ECE1: variants seen among roughly 807,000 people sequenced by gnomAD.
The protein encoded by ECE1 is endothelin-converting enzyme 1.
Under a neutral mutation model 98.6 loss-of-function variants are expected in ECE1, and 35 were observed. The observed-to-expected ratio is 0.35, with a 90% CI of 0.27 to 0.47. The LOEUF (loss-of-function observed/expected upper bound fraction) is 0.47, where lower values mean the gene tolerates loss of function less well. Among genes scored for constraint, ECE1 ranks in the 20% least tolerant of loss-of-function variants. ECE1 has a pLI of 1.00. For missense variants in ECE1, 814 were observed against 1,025.3 expected, an observed-to-expected ratio of 0.79 and a Z score of 2.81; for synonymous variants, 394 against 407.1, an observed-to-expected ratio of 0.97 and a Z score of 0.39.
At chr1:21,344,890 GC>G (rs1368156906) in intron 1 of ECE1, 1 of 152,962 alleles carries the variant, frequency 6.5e-6, no homozygotes, top group Non-Finnish European at 1.5e-5. Context: ...CTCCGAATGC[GC>G]CGGGCGTGGC....
At position 21,233,390 on chromosome 1, in the gene ECE1, T is replaced by G; in HGVS notation, c.1670+168A>C. The G allele has an allele frequency of 1.7e-6, 1 of 603,684 alleles. No individual in the cohort carries two copies. Among genetic ancestry groups the G allele is most frequent in the Non-Finnish European group, 2.9e-6 (1 of 345,778 alleles). 37.4% of individuals were successfully genotyped at this position (603,684 alleles called of 1,614,324 possible). On this transcript the variant is annotated intron_variant, in intron 14 of 18. Transcript: ENST00000374893. The surrounding 1 kb of genome is among the most constrained non-coding windows in gnomAD (Gnocchi z 4.0). Reference sequence around the variant, plus strand: ...TAGCTGGGCCATACTTCTTTTGCCCTTGGTTTCTTCATCTGAAAAGTGGGA... The same window carrying G: ...TAGCTGGGCCATACTTCTTTTGCCCGTGGTTTCTTCATCTGAAAAGTGGGA...
rs1162734684 is a variant in ECE1, at chr1:21,219,774, G to A, written c.*181C>T. 1 of 737,666 alleles carries A rather than the reference G, an allele frequency of 1.4e-6. No homozygotes were observed. Among genetic ancestry groups the A allele is most frequent in the Non-Finnish European group, 2.3e-6 (1 of 439,990 alleles). 45.7% of individuals were successfully genotyped at this position (737,666 alleles called of 1,614,324 possible). ...CTGGGATGTCCGGCTCTTCACAGGG[G>A]ATCAGACTGCGGGTCACGTTGAGAG... On this transcript the variant is annotated 3_prime_UTR_variant, in exon 19 of 19. Transcript: ENST00000374893. This position sits in a 1 kb window ranked among gnomAD's most constrained non-coding sequence, Gnocchi z 4.5.
At chr1:21,246,399 T>C (rs1219761839) in intron 9 of ECE1, among the ~76,000 whole-genome samples, 2 of 148,322 alleles carry the variant, frequency 1.3e-5, no homozygotes, top group East Asian at 3.9e-4. Context: ...TTTGGGAGGC[T>C]GAGGCAGGAG....
At chr1:21,341,957 T>C (rs558444597) in intron 1 of ECE1, among the ~76,000 whole-genome samples, 3 of 152,192 alleles carry the variant, frequency 2.0e-5, no homozygotes, top group African/African-American at 7.2e-5. Flanking sequence ...TTCTTAATAG[T>C]TCCCACAGTG....
At chr1:21,293,689 C>G (rs1366429198), upstream of ECE1, 1 of 152,162 alleles carries the variant, frequency 6.6e-6, no homozygotes, top group Non-Finnish European at 1.5e-5. Context: ...GAAACTGAAC[C>G]CACCTCAGAC....
At chr1:21,337,484 T>C (rs188793510) in intron 1 of ECE1, among the ~76,000 whole-genome samples, 1 of 152,328 alleles carries the variant, frequency 6.6e-6, no homozygotes, top group Admixed American at 6.5e-5. Context: ...TGCAGGTGTG[T>C]GCATTTGTAA....
At chr1:21,265,769 C>A (rs1318015584) in intron 4 of ECE1, among the ~76,000 whole-genome samples, 2 of 152,114 alleles carry the variant, frequency 1.3e-5, no homozygotes, top group Non-Finnish European at 2.9e-5. Context: ...CTTTAAGACA[C>A]CCCTGGCTCA....
At chr1:21,254,209 T>C (rs1432579531) in intron 8 of ECE1, among the ~76,000 whole-genome samples, 2 of 152,134 alleles carry the variant, frequency 1.3e-5, no homozygotes, top group Non-Finnish European at 2.9e-5. Context: ...AAATTCACAT[T>C]AGAATTTAAT....
intron 14 of ECE1, among the ~76,000 whole-genome samples, chr1:21,231,277 C>T (rs1220973272): frequency 6.6e-6 from 1 of 152,172 alleles, no homozygotes; most frequent in East Asian, 1.9e-4. Context: ...TACCACATTT[C>T]CTCTAAGAGC....
intron 1 of ECE1, among the ~76,000 whole-genome samples, chr1:21,328,602 GA>G: frequency 6.6e-6 from 1 of 151,858 alleles, no homozygotes; most frequent in African/African-American, 2.4e-5. Flanking sequence ...TCTCTACTAA[GA>G]ATACAAAAAA....
Position 21,290,100 on chromosome 1 carries a change from G to A in ECE1, c.108C>T (p.Ser36=), listed in dbSNP as rs780993230. 6 of 1,548,938 alleles carry A rather than the reference G, an allele frequency of 3.9e-6. No individual in the cohort carries two copies. Among genetic ancestry groups the A allele is most frequent in the Non-Finnish European group, 5.2e-6 (6 of 1,148,090 alleles). The change falls in exon 2 of 19, where the codon TCC becomes TCT. Residue 36 remains serine, a synonymous_variant. Coordinates refer to ENST00000374893, the MANE Select transcript of ECE1 (RefSeq NM_001397.3). The surrounding 1 kb of genome is among the most constrained non-coding windows in gnomAD (Gnocchi z 7.3). The part of the protein sequence containing the change: ...LDEEDLVDSL[S]EGDAYPNGLQ... Reference sequence around the variant, plus strand: ...GGCCGTTGGGGTATGCGTCGCCCTCGGAGAGCGAGTCCACCAGGTCCTCCT... The same window carrying A: ...GGCCGTTGGGGTATGCGTCGCCCTCAGAGAGCGAGTCCACCAGGTCCTCCT...
chr1:21,315,141 C>G (rs1638806331), intron 1 of ECE1, among the ~76,000 whole-genome samples: 1 of 152,206 alleles, frequency 6.6e-6, no homozygotes, highest in Middle Eastern at 3.2e-3. Context: ...GAGTCAATAC[C>G]TATTTAACAG....
At chr1:21,286,784 G>C (rs1211895095) in intron 2 of ECE1, among the ~76,000 whole-genome samples, 1 of 151,900 alleles carries the variant, frequency 6.6e-6, no homozygotes, top group Non-Finnish European at 1.5e-5. Flanking sequence ...AAATTAGCCA[G>C]GCATGGTGGC....
intron 4 of ECE1, 77 bp downstream of exon 4, chr1:21,272,622 G>A (rs548886527): frequency 1.6e-5 from 25 of 1,566,768 alleles, no homozygotes; most frequent in African/African-American, 8.1e-5. Flanking sequence ...TTAAGCAGGC[G>A]CAGCTGGGAA....
In ECE1 at chr1:21,327,635, G is replaced by A. The variant is rs1639107908; in HGVS notation, c.3+17741C>T. ...GTCTTTTGGTATAGAGGAAAATAAA[G>A]CCTCACCTGGTCTGCACGGCCCTGC... On this transcript the variant is annotated intron_variant, in intron 1 of 18. Coordinates refer to the ECE1 transcript ENST00000415912. This position sits in a 1 kb window ranked among gnomAD's most constrained non-coding sequence, Gnocchi z 4.6. 6.6e-6 allele frequency among the ~76,000 whole-genome samples: 1 copy of A among 152,132 alleles called. No individual in the cohort carries two copies. The highest frequency in any genetic ancestry group is 1.5e-5 in the Non-Finnish European group (1 of 68,030).
At chr1:21,314,336 G>A (rs1014435419) in intron 1 of ECE1, among the ~76,000 whole-genome samples, 3 of 152,128 alleles carry the variant, frequency 2.0e-5, no homozygotes, top group African/African-American at 4.8e-5. Context: ...ACCCCCTCCC[G>A]GGCCCCCAAA....
chr1:21,262,292 T>A (rs1308083221), intron 4 of ECE1, among the ~76,000 whole-genome samples: 1 of 151,810 alleles, frequency 6.6e-6, no homozygotes, highest in Non-Finnish European at 1.5e-5. Flanking sequence ...CACCTGCATG[T>A]CCCCCAGGCA....
At position 21,278,250 on chromosome 1, in the gene ECE1, C is replaced by A. The variant is rs567309439; in HGVS notation, c.280+941G>T. On this transcript the variant is annotated intron_variant, in intron 3 of 18. Transcript: ENST00000374893. ...ATTCTTATTTCTAACTTGGATCCAC[C>A]CCTTCGCACTTCTTAAGTGTTTACT... Among the ~76,000 whole-genome samples the A allele has an allele frequency of 5.9e-5, 9 of 152,322 alleles. No individual in the cohort carries two copies. In the South Asian group the frequency reaches 1.9e-3, roughly 32 times the overall value.
intron 1 of ECE1, chr1:21,299,044 C>T (rs1261445643): frequency 5.5e-6 from 2 of 362,492 alleles, no homozygotes; most frequent in South Asian, 2.0e-5. Context: ...TCTGAAGAGA[C>T]CAAGCGCTCT....
Sources: gnomAD v4.1 joint callset for allele counts (sites outside exome capture counted in the v4.1 genomes callset) on GRCh38, gnomAD v4.1.1 for gene constraint, Gnocchi (gnomAD v3.1) non-coding constraint, MANE v1.5 for transcripts, NCBI Gene and HGNC (gene_info 2026-07-23, HGNC 2026-07-21) for gene names.